The following SLIT1 variants were observed in gnomAD, a reference collection of about 807,000 sequenced individuals.
SLIT1 encodes the protein slit guidance ligand 1.
In SLIT1, 66 loss-of-function variants were observed where a neutral mutation model predicts 186.1. That is an observed-to-expected ratio of 0.35 (90% confidence interval 0.29 to 0.44). The LOEUF (loss-of-function observed/expected upper bound fraction) is 0.44. Among genes scored for constraint, SLIT1 ranks in the 20% least tolerant of loss-of-function variants. The pLI, the probability that SLIT1 is intolerant of heterozygous loss-of-function variation, is 1.00. For missense variants in SLIT1, 1,638 were observed against 2,037.4 expected (o/e 0.80, Z 3.77); for synonymous variants, 761 against 833.8 (o/e 0.91, Z 1.50).
intron 11 of SLIT1, among the ~76,000 whole-genome samples, chr10:97,058,434 A>G (rs1221956322): frequency 6.6e-6 from 1 of 152,110 alleles, no homozygotes; most frequent in African/African-American, 2.4e-5. Flanking sequence ...GGAGAGCTTT[A>G]TTCACTTCTC....
rs757038852 is a variant in SLIT1 at position 97,042,951 on chromosome 10, C to A, written c.2114G>T (p.Arg705Leu). The change falls in exon 20 of 37, where the codon CGG (arginine) becomes CTG (leucine). Residue 705 changes from arginine (R) to leucine (L), a missense_variant. Physicochemically the swap from Arg to Leu is moderately radical, Grantham distance 102 (BLOSUM62 -2). Transcript: ENST00000266058. ...NPRCQNPDFLRQIPLQDVAFP... is the reference protein window; with the variant it reads ...NPRCQNPDFLLQIPLQDVAFP... ...GGCCACGTCCTGCAGGGGAATCTGC[C>A]GCAAAAAGTCAGGGTTCTGGCATCG... is the stretch of plus-strand genomic sequence containing the variant. 6 of 1,614,120 alleles carry A rather than the reference C, an allele frequency of 3.7e-6. No individual in the cohort carries two copies. The East Asian group carries it at 6.7e-5, about 18-fold the overall frequency.
At position 97,180,469 on chromosome 10, in the gene SLIT1, C is replaced by G. The variant is rs2134747556; in HGVS notation, c.197+5009G>C. Among the ~76,000 whole-genome samples the G allele has an allele frequency of 2.6e-5, 4 of 152,322 alleles. No individual in the cohort carries two copies. In the South Asian group the frequency reaches 8.3e-4, roughly 32 times the overall value. On this transcript the variant is annotated intron_variant, in intron 1 of 36. Transcript: ENST00000266058. ...CTTATACTATGTCATTCATCTCTAT[C>G]TCCCCTGCTGGACTAAAACTCGGGT...
At chr10:97,065,230 A>G (rs543548095) in intron 5 of SLIT1, among the ~76,000 whole-genome samples, 2 of 152,176 alleles carry the variant, frequency 1.3e-5, no homozygotes, top group Non-Finnish European at 2.9e-5. Flanking sequence ...CAAAGCAGTG[A>G]CATCCAGAGC....
intron 30 of SLIT1, 32 bp from the exon 31 acceptor site, chr10:97,011,162 G>A (rs546770315): frequency 1.3e-6 from 2 of 1,572,468 alleles, no homozygotes; most frequent in South Asian, 2.2e-5. Flanking sequence ...TAGTTGGGGG[G>A]TCAGCCACAC....
chr10:97,053,070 T>C (rs1848805692), intron 13 of SLIT1, among the ~76,000 whole-genome samples: 1 of 152,132 alleles, frequency 6.6e-6, no homozygotes, highest in Non-Finnish European at 1.5e-5. Context: ...CAACATTGGG[T>C]GTGTCACATA....
intron 4 of SLIT1, among the ~76,000 whole-genome samples, chr10:97,094,503 G>A (rs1247459928): frequency 6.6e-6 from 1 of 152,196 alleles, no homozygotes; most frequent in African/African-American, 2.4e-5. Flanking sequence ...GGATGTCTCA[G>A]CCTTATTGAT....
chr10:97,064,386 A>T (rs974448450), intron 6 of SLIT1, 147 bp from the exon 7 acceptor site: 11 of 701,108 alleles, frequency 1.6e-5, no homozygotes, highest in Non-Finnish European at 2.6e-5. Context: ...GAAGAGCATG[A>T]GGCATATCCC....
chr10:97,045,790 G>A (rs929214562), intron 18 of SLIT1, among the ~76,000 whole-genome samples: 1 of 152,232 alleles, frequency 6.6e-6, no homozygotes, highest in Non-Finnish European at 1.5e-5. Context: ...AGGGAGTCCT[G>A]TCACACATTC....
intron 23 of SLIT1, among the ~76,000 whole-genome samples, chr10:97,033,630 T>C (rs1002837303): frequency 3.9e-5 from 6 of 152,122 alleles, no homozygotes; most frequent in Non-Finnish European, 7.3e-5. Context: ...TCATAGACAA[T>C]GCTAAGCAAG....
rs1283710320 is a variant in SLIT1 at position 97,166,557 on chromosome 10, A to AGGAAGGAAAGAGAGAGAGAGAG, written c.198-1668_198-1667insCTCTCTCTCTCTCTTTCCTTCC. ...AAGGAAGGAAGGAAGGAAGGAAGGA[A>AGGAAGGAAAGAGAGAGAGAGAG]AGAGAGAGAGAGAGAAAGAAAGAAA... On this transcript the variant is annotated intron_variant, in intron 1 of 36. Coordinates refer to ENST00000266058, the MANE Select transcript of SLIT1 (RefSeq NM_003061.3). Among the ~76,000 whole-genome samples, 11 of 55,216 alleles carry AGGAAGGAAAGAGAGAGAGAGAG rather than the reference A, an allele frequency of 2.0e-4. No homozygotes were observed. In the East Asian group the frequency reaches 4.9e-3, roughly 25 times the overall value. The allele number at this position is 55,216 out of a possible 152,430, so 36.2% of individuals were successfully genotyped here.
At chr10:97,131,124 T>A (rs1849650334) in intron 4 of SLIT1, among the ~76,000 whole-genome samples, 1 of 152,096 alleles carries the variant, frequency 6.6e-6, no homozygotes, top group Non-Finnish European at 1.5e-5. Context: ...GACAGTGTGA[T>A]CCCGCCCTTC....
intron 4 of SLIT1, among the ~76,000 whole-genome samples, chr10:97,110,693 G>A (rs906447813): frequency 6.6e-6 from 1 of 152,204 alleles, no homozygotes; most frequent in South Asian, 2.1e-4. Context: ...TATAAACACA[G>A]AAGTCAGTAG....
intron 11 of SLIT1, among the ~76,000 whole-genome samples, chr10:97,058,960 G>A (rs747571356): frequency 2.4e-4 from 37 of 152,206 alleles, no homozygotes; most frequent in Non-Finnish European, 4.4e-4. Flanking sequence ...AATACTGAAG[G>A]AGGAGCGGGC....
intron 17 of SLIT1, 72 bp downstream of exon 17, chr10:97,046,919 C>T: frequency 6.4e-7 from 1 of 1,559,130 alleles, no homozygotes; most frequent in Non-Finnish European, 8.8e-7. Flanking sequence ...GAGCTGCCCC[C>T]ACCCTGGCAT....
At chr10:97,017,037 A>T (rs946460994) in intron 28 of SLIT1, among the ~76,000 whole-genome samples, 2 of 152,166 alleles carry the variant, frequency 1.3e-5, no homozygotes, top group Admixed American at 1.3e-4. Flanking sequence ...CTTGGGGTTG[A>T]GGGGTAACTC....
chr10:97,111,099 A>C (rs1849460093), intron 4 of SLIT1, among the ~76,000 whole-genome samples: 1 of 152,068 alleles, frequency 6.6e-6, no homozygotes. Flanking sequence ...CTGAGGCAGG[A>C]GAATTGCTTG....
At chr10:97,082,522 C>T (rs898229416) in intron 4 of SLIT1, among the ~76,000 whole-genome samples, 2 of 152,142 alleles carry the variant, frequency 1.3e-5, no homozygotes, top group Non-Finnish European at 2.9e-5. Flanking sequence ...GGAAGCTCCG[C>T]CTTCTGGGTT....
At chr10:97,018,514 G>A in intron 28 of SLIT1, 72 bp downstream of exon 28, 1 of 929,176 alleles carries the variant, frequency 1.1e-6, no homozygotes, top group Non-Finnish European at 1.7e-6. Context: ...CCCTGATGGA[G>A]AGGAGGGCCC....
chr10:97,056,507 A>T, intron 12 of SLIT1, 43 bp from the exon 13 acceptor site: 1 of 1,604,988 alleles, frequency 6.2e-7, no homozygotes, highest in Non-Finnish European at 8.5e-7. Context: ...GAGAGGCTCG[A>T]CCTGAGACCC....
Sources: gnomAD v4.1 joint callset for allele counts (sites outside exome capture counted in the v4.1 genomes callset) on GRCh38, gnomAD v4.1.1 for gene constraint, MANE v1.5 for transcripts, NCBI Gene and HGNC (gene_info 2026-07-23, HGNC 2026-07-21) for gene names.